Variants in FRMPD2 observed in about 807,000 individuals in gnomAD.
FRMPD2 encodes the protein FERM and PDZ domain containing 2.
FRMPD2 carries 96 observed loss-of-function variants against 140.1 expected under a neutral mutation model. That is an observed-to-expected ratio of 0.69 (90% CI 0.58 to 0.81). The LOEUF is 0.81. Ranked by LOEUF, FRMPD2 falls within the 40% of genes least tolerant of loss-of-function variation. FRMPD2 has a pLI of 0.00. For synonymous variants in FRMPD2, 449 were observed against 547.6 expected, an observed-to-expected ratio of 0.82 and a Z score of 2.52; for missense variants, 1,240 against 1,447.4, an observed-to-expected ratio of 0.86 and a Z score of 2.32.
chr10:48,174,442 G>A lies in FRMPD2; in HGVS notation c.3075+428C>T, dbSNP rs188305262. Among the ~76,000 whole-genome samples, 12 of 152,328 alleles carry A rather than the reference G, an allele frequency of 7.9e-5. No homozygotes were observed. In the South Asian group the frequency reaches 1.2e-3, roughly 16 times the overall value. ...CGCCCTGGTGGGTACAACACAGGGT[G>A]AGGGGGAATGGCATGAACAGGGAAC... On this transcript the variant is annotated intron_variant, in intron 24 of 28. Coordinates refer to ENST00000374201, the MANE Select transcript of FRMPD2 (RefSeq NM_001018071.4).
chr10:48,206,893 T>G lies in FRMPD2; in HGVS notation c.1652A>C (p.Gln551Pro). The change falls in exon 14 of 29, where the codon CAA becomes CCA. Residue 551 changes from glutamine (Q) to proline (P), a missense_variant. This residue lies in a region of FRMPD2 where 1,161 missense variants were observed against 1,055.9 expected (regional missense o/e 1.10). Coordinates refer to ENST00000374201, the MANE Select transcript of FRMPD2 (RefSeq NM_001018071.4). ...TGGCCTCCTCTTCTCTGAGAATACT[T>G]GGTGAACCAGCACACCGTATTCTGG... ...QLPEYGVLVH[Q>P]VFSEKRRPEE... 5 of 1,614,036 alleles carry G rather than the reference T, an allele frequency of 3.1e-6. No homozygotes were observed. The highest frequency in any genetic ancestry group is 4.2e-6 in the Non-Finnish European group (5 of 1,179,936).
chr10:48,230,600 T>A (rs529453531), intron 10 of FRMPD2, among the ~76,000 whole-genome samples: 1 of 152,344 alleles, frequency 6.6e-6, no homozygotes, highest in East Asian at 1.9e-4. Flanking sequence ...TTTGTCTTAT[T>A]GTGATTATCT....
intron 9 of FRMPD2, among the ~76,000 whole-genome samples, chr10:48,233,031 T>C (rs1315865875): frequency 1.3e-5 from 2 of 152,196 alleles, no homozygotes; most frequent in Admixed American, 6.5e-5. Context: ...TATGGATCTG[T>C]CAGGTCAGGC....
upstream of FRMPD2, chr10:48,274,721 C>G: frequency 2.9e-6 from 2 of 691,578 alleles, no homozygotes; most frequent in Non-Finnish European, 5.2e-6. Flanking sequence ...ACTTGCTGCC[C>G]AGCGAGTGAG....
At chr10:48,184,145 C>T (rs562505577) in intron 20 of FRMPD2, among the ~76,000 whole-genome samples, 41 of 151,530 alleles carry the variant, frequency 2.7e-4, no homozygotes, top group African/African-American at 9.7e-4. Context: ...GTGCTTGTCT[C>T]CTCCCCAGCT....
intron 12 of FRMPD2, among the ~76,000 whole-genome samples, chr10:48,216,558 T>C (rs556261545): frequency 2.0e-5 from 3 of 152,178 alleles, no homozygotes; most frequent in Non-Finnish European, 4.4e-5. Context: ...TTTGACATCC[T>C]GTATCTGAAT....
At chr10:48,249,554 G>C (rs943988763) in intron 2 of FRMPD2, among the ~76,000 whole-genome samples, 1 of 152,196 alleles carries the variant, frequency 6.6e-6, no homozygotes. Flanking sequence ...GAACCTCCAG[G>C]GTGGGGAAGA....
intron 1 of FRMPD2, among the ~76,000 whole-genome samples, chr10:48,254,000 C>T (rs979949135): frequency 6.6e-6 from 1 of 151,886 alleles, no homozygotes; most frequent in African/African-American, 2.4e-5. Context: ...TCACAACTTC[C>T]ATATCAAATA....
chr10:48,261,062 G>A (rs531663612), intron 1 of FRMPD2, among the ~76,000 whole-genome samples: 1 of 152,250 alleles, frequency 6.6e-6, no homozygotes, highest in African/African-American at 2.4e-5. Context: ...AAGAATCAAG[G>A]AGCTTAAAGA....
chr10:48,186,119 C>A (rs1441182343), intron 17 of FRMPD2, among the ~76,000 whole-genome samples: 2 of 152,232 alleles, frequency 1.3e-5, no homozygotes, highest in Non-Finnish European at 2.9e-5. Flanking sequence ...GCCTGTGTGA[C>A]CTGTGGTCTT....
chr10:48,258,387 A>C (rs2131978151), intron 1 of FRMPD2, among the ~76,000 whole-genome samples: 1 of 152,328 alleles, frequency 6.6e-6, no homozygotes, highest in African/African-American at 2.4e-5. Flanking sequence ...TTCTCCACAC[A>C]GACCCTTCCC....
At chr10:48,196,128 G>T (rs1838943445) in intron 15 of FRMPD2, among the ~76,000 whole-genome samples, 1 of 152,174 alleles carries the variant, frequency 6.6e-6, no homozygotes, top group South Asian at 2.1e-4. Context: ...GGGCACAAAA[G>T]CCCTGGAAGC....
intron 12 of FRMPD2, among the ~76,000 whole-genome samples, chr10:48,221,400 C>T (rs1839583338): frequency 6.6e-6 from 1 of 152,096 alleles, no homozygotes; most frequent in African/African-American, 2.4e-5. Flanking sequence ...AATGCGAAAA[C>T]ATAAGAATGA....
intron 4 of FRMPD2, among the ~76,000 whole-genome samples, chr10:48,242,852 A>G (rs1392216847): frequency 2.0e-5 from 3 of 152,226 alleles, no homozygotes; most frequent in Non-Finnish European, 4.4e-5. Flanking sequence ...CAAATGCTCA[A>G]TCGTTGTTGG....
At chr10:48,202,384 G>A (rs1047194904) in intron 14 of FRMPD2, among the ~76,000 whole-genome samples, 4 of 152,062 alleles carry the variant, frequency 2.6e-5, no homozygotes, top group East Asian at 3.9e-4. Flanking sequence ...CTCCATTCAC[G>A]CATGTCAGAT....
At chr10:48,258,438 G>T (rs1450886098) in intron 1 of FRMPD2, among the ~76,000 whole-genome samples, 1 of 152,132 alleles carries the variant, frequency 6.6e-6, no homozygotes, top group Admixed American at 6.5e-5. Flanking sequence ...TTAAATAGTG[G>T]CTACAGCACT....
chr10:48,218,465 A>G (rs190049247), intron 12 of FRMPD2, among the ~76,000 whole-genome samples: 1 of 152,318 alleles, frequency 6.6e-6, no homozygotes, highest in Non-Finnish European at 1.5e-5. Context: ...GAAGGAGGAA[A>G]TGGGAAACCA....
intron 15 of FRMPD2, among the ~76,000 whole-genome samples, chr10:48,198,644 A>T (rs1839008155): frequency 6.6e-6 from 1 of 152,148 alleles, no homozygotes; most frequent in South Asian, 2.1e-4. Context: ...TAGGAATAGC[A>T]TTGAATCTGT....
At chr10:48,271,509 C>G (rs540825316) in intron 1 of FRMPD2, among the ~76,000 whole-genome samples, 6 of 152,212 alleles carry the variant, frequency 3.9e-5, no homozygotes, top group Middle Eastern at 3.2e-3. Flanking sequence ...CCTCCTGGAA[C>G]TGGTTCCTGT....
Sources: gnomAD v4.1 joint callset for allele counts (sites outside exome capture counted in the v4.1 genomes callset) on GRCh38, gnomAD v4.1.1 for gene constraint, gnomAD v4.1.1 regional missense constraint, MANE v1.5 for transcripts, NCBI Gene and HGNC (gene_info 2026-07-23, HGNC 2026-07-21) for gene names.